Variants in PCNT observed in about 807,000 individuals in gnomAD.
The protein encoded by PCNT is kendrin.
A neutral mutation model predicts 380.4 loss-of-function variants in PCNT; 319 were observed. The ratio of observed to expected loss-of-function variants is 0.84; its 90% CI spans 0.77 to 0.92. PCNT has a LOEUF of 0.92. PCNT is among the 40% of genes least tolerant of loss of function. The probability of loss-of-function intolerance (pLI) is 0.00; values close to 1 mark genes in which losing one functional copy is unlikely to be tolerated. For synonymous variants in PCNT, 1,845 were observed against 1,735.2 expected, an observed-to-expected ratio of 1.06 and a Z score of -1.57; for missense variants, 4,400 against 4,255.3, an observed-to-expected ratio of 1.03 and a Z score of -0.95.
At chr21:46,442,969 A>G (rs2053650947) in intron 44 of PCNT, 1 of 313,644 alleles carries the variant, frequency 3.2e-6, no homozygotes, top group South Asian at 2.7e-5. Context: ...CTGCCGAGCC[A>G]TTGCCCCCTA....
At chr21:46,367,274 G>A (rs114734904) in intron 15 of PCNT, 135 bp downstream of exon 15, 2 of 690,872 alleles carry the variant, frequency 2.9e-6, no homozygotes, top group African/African-American at 3.6e-5. Flanking sequence ...AGGCTGCCGA[G>A]ATCAGTGGGG....
chr21:46,383,501 G>A (rs368233828), intron 16 of PCNT, among the ~76,000 whole-genome samples: 6,536 of 133,868 alleles, frequency 0.049, 464 homozygotes, highest in Non-Finnish European at 0.06. Flanking sequence ...TGGCGGAAGC[G>A]CATTCACCAT....
At position 46,418,095 on chromosome 21, in the gene PCNT, G is replaced by C. The variant is rs75229099; in HGVS notation, c.6922-109G>C. 559 of 710,306 alleles carry C rather than the reference G, an allele frequency of 7.9e-4. 3 individuals carry two copies. In the East Asian group the frequency reaches 0.015, roughly 18 times the overall value. The allele number at this position is 710,306 out of a possible 1,614,324, so 44.0% of individuals were successfully genotyped here. Reference sequence around the variant, plus strand: ...ACCAGTTTTGAGTTGTTTCATCTGGGGTCTATGTGGGAAGATAAATTCAGG... The same window carrying C: ...ACCAGTTTTGAGTTGTTTCATCTGGCGTCTATGTGGGAAGATAAATTCAGG... On this transcript the variant is annotated intron_variant, in intron 30 of 46. Transcript: ENST00000359568.
rs576152845 is a variant in PCNT, at chr21:46,333,070, A to AC, written c.268-1325dup. ...TAAGGTTGCAGTGAGCTGGGATTGC[A>AC]CCACTGCACGCCAGCCTGGGTGACA... On this transcript the variant is annotated intron_variant, in intron 2 of 46. Transcript: ENST00000359568. Among the ~76,000 whole-genome samples, 9 of 151,858 alleles carry AC rather than the reference A, an allele frequency of 5.9e-5. 1 individual carries two copies. Among genetic ancestry groups the AC allele is most frequent in the African/African-American group, 2.2e-4 (9 of 41,436 alleles).
At chr21:46,382,751 G>A (rs140325211) in intron 16 of PCNT, among the ~76,000 whole-genome samples, 1,738 of 143,992 alleles carry the variant, frequency 0.012, 130 homozygotes, top group African/African-American at 0.042. Context: ...GCATTCAGTG[G>A]CGGAAGCGCA....
rs776009557 is a variant in PCNT at position 46,391,387 on chromosome 21, C to T, written c.4216+11C>T. 1.3e-4 allele frequency: 206 copies of T among 1,544,178 alleles called. No individual in the cohort carries two copies. Among genetic ancestry groups the T allele is most frequent in the Non-Finnish European group, 1.7e-4 (192 of 1,142,848 alleles). On this transcript the variant is annotated intron_variant, in intron 21 of 46. Coordinates refer to ENST00000359568, the MANE Select transcript of PCNT (RefSeq NM_006031.6). ...AGGCCAGAGAAGCTGGTAAGGAGCG[C>T]GGGCTGTGGAGGGTGGTGCGAGCTG...
Position 46,411,444 on chromosome 21 carries a change from G to A in PCNT, c.5371G>A (p.Glu1791Lys), listed in dbSNP as rs373720439. The part of the protein sequence containing the change: ...GGPRGQALQG[E>K]LEAALEAKEA... The stretch of plus-strand genomic sequence containing the variant: ...CCCTCGTGGGCAGGCCCTACAGGGC[G>A]AGCTCGAGGCTGCGCTGGAAGCCAA... Residue 1791 changes from glutamate (E) to lysine (K), a missense_variant, in exon 28 of 47, where the codon GAG becomes AAG. Coordinates refer to ENST00000359568, the MANE Select transcript of PCNT (RefSeq NM_006031.6). 13 of 1,611,684 alleles carry A rather than the reference G, an allele frequency of 8.1e-6. No individual in the cohort carries two copies. The East Asian group carries it at 1.6e-4, about 19-fold the overall frequency.
In PCNT at chr21:46,332,652, C is replaced by T. The variant is rs573087766; in HGVS notation, c.268-1745C>T. Among the ~76,000 whole-genome samples the T allele has an allele frequency of 5.3e-5, 8 of 152,286 alleles. No individual in the cohort carries two copies. In the South Asian group the frequency reaches 6.2e-4, roughly 12 times the overall value. On this transcript the variant is annotated intron_variant, in intron 2 of 46. Coordinates refer to ENST00000359568, the MANE Select transcript of PCNT (RefSeq NM_006031.6). ...AGGGTATTGTCAAATGAAGACTTGT[C>T]TGAGATTTTATTTTCACGTCAGTTT... is the stretch of plus-strand genomic sequence containing the variant.
In PCNT at chr21:46,438,229, C is replaced by T; in HGVS notation, c.9165C>T (p.Leu3055=). The T allele has an allele frequency of 1.9e-6, 3 of 1,614,170 alleles. No homozygotes were observed. Among genetic ancestry groups the T allele is most frequent in the African/African-American group, 1.3e-5 (1 of 75,060 alleles). Reference sequence around the variant, plus strand: ...TCCTGCTGAAAGACAATGTTTCCCTCACAAAAGCGCTCAGCACGGTGACCC... The same window carrying T: ...TCCTGCTGAAAGACAATGTTTCCCTTACAAAAGCGCTCAGCACGGTGACCC... ...VDVLLKDNVS[L]TKALSTVTQE... Residue 3055 remains leucine, a synonymous_variant, in exon 41 of 47, where the codon CTC becomes CTT. Coordinates refer to ENST00000359568, the MANE Select transcript of PCNT (RefSeq NM_006031.6).
At chr21:46,368,520 G>A (rs558468468) in intron 15 of PCNT, among the ~76,000 whole-genome samples, 7 of 152,316 alleles carry the variant, frequency 4.6e-5, no homozygotes, top group African/African-American at 1.4e-4. Flanking sequence ...AATTTCTGGC[G>A]AAGTCCCTCT....
intron 15 of PCNT, among the ~76,000 whole-genome samples, chr21:46,372,980 C>T (rs2085202880): frequency 6.6e-6 from 1 of 152,194 alleles, no homozygotes. Context: ...TCGTGTGTCA[C>T]CTGTGTCCTT....
At chr21:46,399,827 G>A (rs965546501) in intron 25 of PCNT, 31 bp downstream of exon 25, 7 of 1,571,568 alleles carry the variant, frequency 4.5e-6, no homozygotes, top group Admixed American at 1.7e-5. Context: ...GGTTGGGCAC[G>A]TGGTGAGGTG....
chr21:46,367,452 C>A (rs1435012383), intron 15 of PCNT, among the ~76,000 whole-genome samples: 1 of 151,920 alleles, frequency 6.6e-6, no homozygotes, highest in Non-Finnish European at 1.5e-5. Flanking sequence ...GGATTATAGG[C>A]GCCTGCCACC....
At chr21:46,329,566 G>A (rs1037583058) in intron 2 of PCNT, among the ~76,000 whole-genome samples, 1 of 152,072 alleles carries the variant, frequency 6.6e-6, no homozygotes, top group African/African-American at 2.4e-5. Flanking sequence ...CCCATTACTG[G>A]TCCCCTTGAC....
rs149884710 is a variant in PCNT at position 46,429,915 on chromosome 21, A to G, written c.7691-95A>G. 7,933 of 938,370 alleles carry G rather than the reference A, an allele frequency of 8.5e-3. 49 individuals carry two copies. Among genetic ancestry groups the G allele is most frequent in the Middle Eastern group, 0.037 (124 of 3,390 alleles). 58.1% of individuals were successfully genotyped at this position (938,370 alleles called of 1,614,324 possible). ...CCTCCTTTCTTCCCGAAGCACATAC[A>G]CCTCACGCCCCCACGAGTCTGTCTC... On this transcript the variant is annotated intron_variant, in intron 35 of 46. Coordinates refer to ENST00000359568, the MANE Select transcript of PCNT (RefSeq NM_006031.6).
At chr21:46,383,094 G>A (rs150984416) in intron 16 of PCNT, among the ~76,000 whole-genome samples, 6,806 of 146,650 alleles carry the variant, frequency 0.046, 494 homozygotes, top group Non-Finnish European at 0.06. Flanking sequence ...AGTGGCGGAA[G>A]CGCATTCACA....
chr21:46,397,298 A>G lies in PCNT; in HGVS notation c.4250A>G (p.Glu1417Gly), dbSNP rs201444625. 8.1e-6 allele frequency: 13 copies of G among 1,614,084 alleles called. No individual in the cohort carries two copies. The East Asian group carries it at 2.9e-4, about 36-fold the overall frequency. Reference sequence around the variant, plus strand: ...AAGGAAGTGGAGGATCTGACCAAAGAACAGTCGGAGACCAGGAAGCAGGCT... The same window carrying G: ...AAGGAAGTGGAGGATCTGACCAAAGGACAGTCGGAGACCAGGAAGCAGGCT... ...LRKEVEDLTK[E>G]QSETRKQAEK... Residue 1417 changes from glutamate (E) to glycine (G), a missense_variant, in exon 22 of 47, where the codon GAA (glutamate) becomes GGA (glycine). By Grantham distance (98) the Glu-to-Gly change is moderately conservative (BLOSUM62 -2). Transcript: ENST00000359568.
chr21:46,333,514 G>C (rs1212055610), intron 2 of PCNT, among the ~76,000 whole-genome samples: 1 of 152,162 alleles, frequency 6.6e-6, no homozygotes, highest in Non-Finnish European at 1.5e-5. Flanking sequence ...GGCTGAGGCA[G>C]GAGAATTGTT....
At chr21:46,434,628 C>T (rs1462801486) in intron 38 of PCNT, among the ~76,000 whole-genome samples, 1 of 152,218 alleles carries the variant, frequency 6.6e-6, no homozygotes, top group African/African-American at 2.4e-5. Flanking sequence ...GGCAGGGGCT[C>T]AGGCGCTTGC....
Sources: allele counts gnomAD v4.1 joint callset (sites outside exome capture counted in the v4.1 genomes callset), GRCh38; gene constraint gnomAD v4.1.1; transcripts MANE v1.5; gene names NCBI Gene and HGNC (gene_info 2026-07-23, HGNC 2026-07-21).